EPB41: variants seen among roughly 807,000 people sequenced by gnomAD.
EPB41 encodes the protein erythrocyte membrane protein band 4.1.
In EPB41, 65 loss-of-function variants were observed where a neutral mutation model predicts 108.0. The observed-to-expected ratio is 0.60, with a 90% CI of 0.49 to 0.74. The LOEUF is 0.74. Among genes scored for constraint, EPB41 ranks in the 30% least tolerant of loss-of-function variants. EPB41 has a pLI of 0.00. For missense variants in EPB41, 875 were observed against 1,037.0 expected, an observed-to-expected ratio of 0.84 and a Z score of 2.15; for synonymous variants, 336 against 358.9, an observed-to-expected ratio of 0.94 and a Z score of 0.72.
chr1:29,064,282 A>G (rs1471229658), intron 15 of EPB41, among the ~76,000 whole-genome samples: 1 of 152,152 alleles, frequency 6.6e-6, no homozygotes, highest in Non-Finnish European at 1.5e-5. Flanking sequence ...TTATGTGCAT[A>G]TTGTTGACAA....
chr1:29,016,112 T>C (rs1404482624), intron 6 of EPB41, among the ~76,000 whole-genome samples: 1 of 152,162 alleles, frequency 6.6e-6, no homozygotes, highest in Non-Finnish European at 1.5e-5. Context: ...CTCTACTGTT[T>C]TTTTTGTTTG....
chr1:29,079,893 A>G (rs920276337), intron 16 of EPB41, among the ~76,000 whole-genome samples: 1 of 151,878 alleles, frequency 6.6e-6, no homozygotes, highest in East Asian at 2.0e-4. Context: ...GCTACTCGGG[A>G]GGCTGAGGCA....
intron 16 of EPB41, among the ~76,000 whole-genome samples, chr1:29,068,137 G>A (rs541268558): frequency 6.6e-6 from 1 of 152,298 alleles, no homozygotes; most frequent in East Asian, 1.9e-4. Context: ...TTATGGAGTA[G>A]ATGATCTTTA....
At chr1:29,011,960 G>C in intron 5 of EPB41, 53 bp downstream of exon 5, 1 of 1,596,028 alleles carries the variant, frequency 6.3e-7, no homozygotes, top group South Asian at 1.1e-5. Flanking sequence ...GTAGGTCAGA[G>C]GATTTCCAAC....
At chr1:28,945,224 C>G (rs1171831576) in intron 1 of EPB41, among the ~76,000 whole-genome samples, 4 of 151,844 alleles carry the variant, frequency 2.6e-5, no homozygotes, top group Non-Finnish European at 5.9e-5. Flanking sequence ...TGCCCTTATT[C>G]CAGTGAAGTC....
intron 4 of EPB41, among the ~76,000 whole-genome samples, chr1:29,006,703 C>T (rs1048849541): frequency 2.0e-5 from 3 of 151,998 alleles, no homozygotes; most frequent in Non-Finnish European, 4.4e-5. Flanking sequence ...ACTTCTTCCT[C>T]CAGCCTGGGC....
chr1:28,959,362 C>T (rs2095103406), intron 1 of EPB41, among the ~76,000 whole-genome samples: 4 of 151,758 alleles, frequency 2.6e-5, no homozygotes, highest in Admixed American at 2.0e-4. Flanking sequence ...GATTACGGGC[C>T]TGTGCCACTA....
At chr1:28,956,986 T>G (rs143758445) in intron 1 of EPB41, among the ~76,000 whole-genome samples, 8 of 152,300 alleles carry the variant, frequency 5.3e-5, no homozygotes, top group Admixed American at 3.3e-4. Flanking sequence ...ATAGTGAAAA[T>G]AATTCTATAG....
rs550492035 is a variant in EPB41 at position 28,962,414 on chromosome 1, C to T, written c.-7-25017C>T. Among the ~76,000 whole-genome samples, 4 of 152,214 alleles carry T rather than the reference C, an allele frequency of 2.6e-5. No homozygotes were observed. In the East Asian group the frequency reaches 7.7e-4, roughly 29 times the overall value. ...AAAACCGCAGTTACTTTTGCATCAA[C>T]CTATATAATTCATATACCATAAATT... On this transcript the variant is annotated intron_variant, in intron 1 of 20. Coordinates refer to ENST00000343067, the MANE Select transcript of EPB41 (RefSeq NM_001376013.1).
At chr1:29,099,937 G>T (rs960337801) in intron 17 of EPB41, among the ~76,000 whole-genome samples, 7 of 152,134 alleles carry the variant, frequency 4.6e-5, no homozygotes, top group Non-Finnish European at 7.4e-5. Flanking sequence ...ACTAAAATGG[G>T]GTAAAGAGTT....
rs771048493 is a variant in EPB41, at chr1:29,035,941, G to A, written c.1463+18G>A. 1.3e-6 allele frequency: 2 copies of A among 1,559,484 alleles called. No homozygotes were observed. The highest frequency in any genetic ancestry group is 2.2e-5 in the South Asian group (2 of 89,874). ...TTTTTCAGGTATTATTCTCACTTAA[G>A]TATTTTTCAAGGATAAATTATTTAT... is the stretch of plus-strand genomic sequence containing the variant. On this transcript the variant is annotated intron_variant, in intron 10 of 20. Transcript: ENST00000343067.
In EPB41 at chr1:28,967,720, C is replaced by G. The variant is rs151016194; in HGVS notation, c.-7-19711C>G. On this transcript the variant is annotated intron_variant, in intron 1 of 20. Transcript: ENST00000343067. ...TCCTGGGCTTAAATGATCCTCCCAC[C>G]TCAGCCTTCTAAGTAGATGGGATTA... Among the ~76,000 whole-genome samples the G allele has an allele frequency of 3.6e-3, 542 of 152,158 alleles. 1 individual carries two copies. Among genetic ancestry groups the G allele is most frequent in the African/African-American group, 9.2e-3 (380 of 41,514 alleles).
chr1:29,026,956 G>A (rs2150204713), intron 7 of EPB41, among the ~76,000 whole-genome samples: 1 of 152,122 alleles, frequency 6.6e-6, no homozygotes. Flanking sequence ...GCCAGGCATG[G>A]TGGCGGGTGC....
intron 1 of EPB41, among the ~76,000 whole-genome samples, chr1:28,929,254 C>G (rs2093608233): frequency 2.0e-5 from 3 of 149,042 alleles, no homozygotes; most frequent in African/African-American, 7.5e-5. Flanking sequence ...GAGACAGAGT[C>G]TTGCTCTGTC....
At chr1:28,933,620 C>T (rs965824898) in intron 1 of EPB41, among the ~76,000 whole-genome samples, 3 of 152,202 alleles carry the variant, frequency 2.0e-5, no homozygotes, top group African/African-American at 7.2e-5. Context: ...CTCCTCCAAT[C>T]TGTGATAGTA....
chr1:29,047,318 T>G (rs546598164), intron 11 of EPB41, among the ~76,000 whole-genome samples: 29 of 145,544 alleles, frequency 2.0e-4, no homozygotes, highest in Middle Eastern at 3.6e-3. Flanking sequence ...AGTGCCGTCA[T>G]AGCTTGCTGT....
intron 16 of EPB41, among the ~76,000 whole-genome samples, chr1:29,085,540 G>A (rs1658481165): frequency 6.6e-6 from 1 of 152,096 alleles, no homozygotes; most frequent in South Asian, 2.1e-4. Context: ...TAAATTTGAA[G>A]TATTTCTTTT....
intron 9 of EPB41, among the ~76,000 whole-genome samples, chr1:29,034,609 A>T (rs1638665575): frequency 6.6e-6 from 1 of 152,226 alleles, no homozygotes; most frequent in Admixed American, 6.5e-5. Context: ...TTTCCATCTT[A>T]TAAAATATGC....
At chr1:28,910,715 G>A (rs1263127424), upstream of EPB41, among the ~76,000 whole-genome samples, 8 of 152,124 alleles carry the variant, frequency 5.3e-5, no homozygotes, top group Admixed American at 5.2e-4. Context: ...TCAGTTTGCT[G>A]TGGGGAAGGA....
Sources: gnomAD v4.1 joint callset for allele counts (sites outside exome capture counted in the v4.1 genomes callset) on GRCh38, gnomAD v4.1.1 for gene constraint, MANE v1.5 for transcripts, NCBI Gene and HGNC (gene_info 2026-07-23, HGNC 2026-07-21) for gene names.